Variants in ITFG1 observed in about 807,000 individuals in gnomAD.
ITFG1 encodes T-cell immunomodulatory protein.
Under a neutral mutation model 81.8 loss-of-function variants are expected in ITFG1, and 34 were observed. The observed-to-expected ratio is 0.42, with a 90% CI of 0.32 to 0.55. The LOEUF (loss-of-function observed/expected upper bound fraction) is 0.55, where lower values mean the gene tolerates loss of function less well. ITFG1 is among the 20% of genes least tolerant of loss of function. The pLI, the probability that ITFG1 is intolerant of heterozygous loss-of-function variation, is 0.17. For missense variants in ITFG1, 672 were observed against 755.4 expected (o/e 0.89, Z 1.29); for synonymous variants, 285 against 270.6 (o/e 1.05, Z -0.52).
chr16:47,184,386 G>A (rs1026587183), intron 14 of ITFG1, among the ~76,000 whole-genome samples: 14 of 152,036 alleles, frequency 9.2e-5, no homozygotes, highest in South Asian at 6.2e-4. Flanking sequence ...GAGAAAGGTC[G>A]GGTTACCCAC....
At chr16:47,330,931 TAAAAG>T (rs1380544673) in intron 8 of ITFG1, among the ~76,000 whole-genome samples, 1 of 152,104 alleles carries the variant, frequency 6.6e-6, no homozygotes, top group East Asian at 1.9e-4. Context: ...TCAAAGAACT[TAAAAG>T]AGAACTACCA....
intron 12 of ITFG1, among the ~76,000 whole-genome samples, chr16:47,256,535 AC>A (rs1351048602): frequency 9.2e-5 from 14 of 152,214 alleles, no homozygotes; most frequent in African/African-American, 2.4e-4. Context: ...TCCAAAATTA[AC>A]ATCATACCAA....
chr16:47,410,039 C>T (rs1285357511), intron 6 of ITFG1, among the ~76,000 whole-genome samples: 6 of 152,106 alleles, frequency 3.9e-5, no homozygotes, highest in African/African-American at 1.2e-4. Context: ...TCCGGGAGGC[C>T]AAGGCAAGAG....
At chr16:47,164,731 G>A (rs1480000362) in intron 14 of ITFG1, among the ~76,000 whole-genome samples, 2 of 152,240 alleles carry the variant, frequency 1.3e-5, no homozygotes, top group African/African-American at 2.4e-5. Context: ...TAGCCAAGAT[G>A]CTGAGAATGA....
chr16:47,172,053 G>A (rs1390512760), intron 14 of ITFG1, among the ~76,000 whole-genome samples: 2 of 152,066 alleles, frequency 1.3e-5, no homozygotes, highest in Admixed American at 6.6e-5. Flanking sequence ...CTTGACTTAG[G>A]TTAGTCCCCA....
intron 10 of ITFG1, among the ~76,000 whole-genome samples, chr16:47,304,852 T>C (rs536951028): frequency 2.0e-5 from 3 of 152,294 alleles, no homozygotes; most frequent in Non-Finnish European, 4.4e-5. Context: ...TCATAAAACT[T>C]TGTGGCCACT....
chr16:47,415,029 T>C (rs1383201286), intron 6 of ITFG1, among the ~76,000 whole-genome samples: 1 of 152,172 alleles, frequency 6.6e-6, no homozygotes. Context: ...TTGCCTCAAA[T>C]ACACTGTTGT....
At chr16:47,178,156 T>G (rs1347071153) in intron 14 of ITFG1, among the ~76,000 whole-genome samples, 1 of 152,250 alleles carries the variant, frequency 6.6e-6, no homozygotes, top group Non-Finnish European at 1.5e-5. Context: ...TAAAATTCAC[T>G]GACTTTAATT....
chr16:47,158,886 T>C lies in ITFG1; in HGVS notation c.1766A>G (p.His589Arg), dbSNP rs1244080807. 1.3e-6 allele frequency: 2 copies of C among 1,574,098 alleles called. No homozygotes were observed. The highest frequency in any genetic ancestry group is 1.7e-6 in the Non-Finnish European group (2 of 1,149,834). ...AAATGAACAAACCTTTTCCTGCCAA[T>C]GTAAAATGCCAATTATTGCCAAGAT... ...VFILAIIGIL[H>R]WQEKKADDRE... The change falls in exon 17 of 18, where the codon CAT becomes CGT. Residue 589 changes from histidine to arginine, a missense_variant. His to Arg is a conservative substitution (Grantham distance 29). Coordinates refer to ENST00000320640, the MANE Select transcript of ITFG1 (RefSeq NM_030790.5).
chr16:47,246,414 G>A (rs1368017355), intron 12 of ITFG1, among the ~76,000 whole-genome samples: 1 of 152,160 alleles, frequency 6.6e-6, no homozygotes, highest in Non-Finnish European at 1.5e-5. Flanking sequence ...TACAAATAGA[G>A]TATGCATTTC....
intron 10 of ITFG1, among the ~76,000 whole-genome samples, chr16:47,300,421 G>A (rs1967057844): frequency 6.6e-6 from 1 of 152,238 alleles, no homozygotes; most frequent in South Asian, 2.1e-4. Context: ...ATGGCTGAGA[G>A]AAGGTCCAGT....
intron 5 of ITFG1, chr16:47,449,088 G>A (rs1969357904): frequency 6.6e-6 from 1 of 152,140 alleles, no homozygotes; most frequent in Non-Finnish European, 1.5e-5. Flanking sequence ...TGCTATCTCA[G>A]ATTTGCATGT....
At chr16:47,432,102 A>G (rs1441712786) in intron 5 of ITFG1, among the ~76,000 whole-genome samples, 1 of 152,190 alleles carries the variant, frequency 6.6e-6, no homozygotes, top group African/African-American at 2.4e-5. Context: ...TGTAGCCACA[A>G]TGCCTAACCA....
chr16:47,203,393 TACATTTATTATGC>T (rs1450162888), intron 14 of ITFG1, among the ~76,000 whole-genome samples: 1 of 152,226 alleles, frequency 6.6e-6, no homozygotes, highest in Admixed American at 6.5e-5. Context: ...TCAAGCACAT[TACATTTATTATGC>T]ACTTTATTTC....
At chr16:47,325,026 A>G (rs532619164) in intron 8 of ITFG1, among the ~76,000 whole-genome samples, 1 of 152,330 alleles carries the variant, frequency 6.6e-6, no homozygotes, top group African/African-American at 2.4e-5. Context: ...TCAACAGAAT[A>G]TACATTCTTT....
intron 8 of ITFG1, among the ~76,000 whole-genome samples, chr16:47,327,820 A>G (rs963556796): frequency 4.6e-5 from 7 of 152,164 alleles, no homozygotes; most frequent in Non-Finnish European, 8.8e-5. Context: ...AAAAGTCAGG[A>G]AACAACAGGT....
chr16:47,398,234 G>C (rs1968616021), intron 6 of ITFG1, among the ~76,000 whole-genome samples: 1 of 152,036 alleles, frequency 6.6e-6, no homozygotes, highest in South Asian at 2.1e-4. Flanking sequence ...TTCATCCCCA[G>C]TGTCTATTTA....
intron 9 of ITFG1, chr16:47,312,957 C>T (rs1391286134): frequency 6.6e-6 from 1 of 152,060 alleles, no homozygotes; most frequent in African/African-American, 2.4e-5. Context: ...TTAAGTGATT[C>T]AAAACCTTAA....
In ITFG1 at chr16:47,428,797, A is replaced by C; in HGVS notation, c.655+7T>G. On this transcript the variant is annotated splice_region_variant and intron_variant, in intron 6 of 17. Transcript: ENST00000320640. ...TCAAAACAATTCCAGATTTATGTGC[A>C]ACTCACCTGCTGTAAAATCTTCAGT... The C allele has an allele frequency of 6.3e-7, 1 of 1,576,450 alleles. No individual in the cohort carries two copies. The highest frequency in any genetic ancestry group is 8.7e-7 in the Non-Finnish European group (1 of 1,148,532).
Sources: allele counts gnomAD v4.1 joint callset (sites outside exome capture counted in the v4.1 genomes callset), GRCh38; gene constraint gnomAD v4.1.1; transcripts MANE v1.5; gene names NCBI Gene and HGNC (gene_info 2026-07-23, HGNC 2026-07-21).